The following SLC8A1 variants were observed in gnomAD, a reference collection of about 807,000 sequenced individuals.
SLC8A1 encodes the protein solute carrier family 8 member A1.
In SLC8A1, 18 loss-of-function variants were observed where a neutral mutation model predicts 68.3. That is an observed-to-expected ratio of 0.26 (90% confidence interval 0.18 to 0.39). SLC8A1 has a LOEUF of 0.39. Among genes scored for constraint, SLC8A1 ranks in the 10% least tolerant of loss-of-function variants. The probability of loss-of-function intolerance (pLI) is 1.00; values close to 1 mark genes in which losing one functional copy is unlikely to be tolerated. For synonymous variants in SLC8A1, 475 were observed against 415.5 expected, an observed-to-expected ratio of 1.14 and a Z score of -1.74; for missense variants, 985 against 1,156.7, an observed-to-expected ratio of 0.85 and a Z score of 2.15.
chr2:40,172,808 G>A (rs1013968210), intron 4 of SLC8A1, among the ~76,000 whole-genome samples: 7 of 152,088 alleles, frequency 4.6e-5, no homozygotes, highest in African/African-American at 1.4e-4. Flanking sequence ...TAGGCGTGGT[G>A]GCACGTGCCT....
chr2:40,401,772 T>C (rs971141649), intron 2 of SLC8A1, among the ~76,000 whole-genome samples: 1 of 152,122 alleles, frequency 6.6e-6, no homozygotes, highest in Non-Finnish European at 1.5e-5. Flanking sequence ...TACTTTTATA[T>C]ATTGATCTTA....
intron 7 of SLC8A1, among the ~76,000 whole-genome samples, chr2:40,127,431 C>G (rs2160365): frequency 0.65 from 98,735 of 151,964 alleles, 33,254 homozygotes; most frequent in East Asian, 0.81. Flanking sequence ...AATGTGATAA[C>G]TGGGTTAGTT....
At chr2:40,287,715 T>A (rs908496538) in intron 2 of SLC8A1, among the ~76,000 whole-genome samples, 4 of 150,774 alleles carry the variant, frequency 2.7e-5, no homozygotes, top group African/African-American at 7.3e-5. Context: ...GGATGAGGGA[T>A]AGGGACTCAG....
At chr2:40,360,156 T>C (rs1212920571) in intron 2 of SLC8A1, among the ~76,000 whole-genome samples, 1 of 152,110 alleles carries the variant, frequency 6.6e-6, no homozygotes, top group African/African-American at 2.4e-5. Context: ...TTGATTGAAG[T>C]TCCACGAAGA....
chr2:40,279,987 A>T (rs1314060798), intron 2 of SLC8A1, among the ~76,000 whole-genome samples: 2 of 152,176 alleles, frequency 1.3e-5, no homozygotes, highest in African/African-American at 4.8e-5. Flanking sequence ...ATACAATTGC[A>T]TCTGTATTGG....
chr2:40,304,671 C>T (rs140991404), intron 2 of SLC8A1, among the ~76,000 whole-genome samples: 1 of 152,224 alleles, frequency 6.6e-6, no homozygotes, highest in Non-Finnish European at 1.5e-5. Context: ...TTTTCTTGAC[C>T]CAGCCACTGC....
intron 2 of SLC8A1, among the ~76,000 whole-genome samples, chr2:40,270,173 A>G (rs2065855213): frequency 6.6e-6 from 1 of 152,202 alleles, no homozygotes; most frequent in South Asian, 2.1e-4. Flanking sequence ...TCAAAAGTCC[A>G]GTTTTTTATG....
At chr2:40,216,241 T>C (rs1028390983) in intron 2 of SLC8A1, among the ~76,000 whole-genome samples, 4 of 152,024 alleles carry the variant, frequency 2.6e-5, no homozygotes, top group African/African-American at 9.7e-5. Flanking sequence ...CCCTTATGAG[T>C]GAGAACATGT....
chr2:40,195,640 G>A (rs1394235086), intron 2 of SLC8A1: 1 of 152,006 alleles, frequency 6.6e-6, no homozygotes, highest in African/African-American at 2.4e-5. Flanking sequence ...ATAATAATAT[G>A]GGAGGTTAAG....
At chr2:40,497,282 A>G (rs529149672) in intron 1 of SLC8A1, among the ~76,000 whole-genome samples, 2 of 152,162 alleles carry the variant, frequency 1.3e-5, no homozygotes, top group Non-Finnish European at 2.9e-5. Context: ...ATTTTGACTT[A>G]TTAGCTTTGG....
At chr2:40,314,638 G>A (rs924692738) in intron 2 of SLC8A1, among the ~76,000 whole-genome samples, 6 of 151,602 alleles carry the variant, frequency 4.0e-5, no homozygotes, top group African/African-American at 1.5e-4. Flanking sequence ...CCTGTGAAAG[G>A]CATATCTGTC....
At chr2:40,254,245 G>C (rs1317368319) in intron 2 of SLC8A1, among the ~76,000 whole-genome samples, 5 of 152,294 alleles carry the variant, frequency 3.3e-5, no homozygotes, top group Admixed American at 6.5e-5. Flanking sequence ...AAATAGAAAT[G>C]AGATTGGGGT....
intron 6 of SLC8A1, among the ~76,000 whole-genome samples, chr2:40,146,900 C>T (rs895607075): frequency 6.6e-6 from 1 of 152,062 alleles, no homozygotes; most frequent in African/African-American, 2.4e-5. Context: ...GGGTTTGGGC[C>T]AGGTGATGTG....
intron 1 of SLC8A1, among the ~76,000 whole-genome samples, chr2:40,481,850 G>C (rs977122253): frequency 3.9e-5 from 6 of 152,108 alleles, no homozygotes; most frequent in Non-Finnish European, 7.4e-5. Flanking sequence ...ATGAAGTTAG[G>C]TTTCCAATTC....
At chr2:40,479,948 C>G (rs1389611365) in intron 1 of SLC8A1, among the ~76,000 whole-genome samples, 1 of 152,114 alleles carries the variant, frequency 6.6e-6, no homozygotes, top group Non-Finnish European at 1.5e-5. Context: ...ACGCCACAGT[C>G]TGTTGATATA....
At chr2:40,319,231 A>C (rs922483837) in intron 2 of SLC8A1, among the ~76,000 whole-genome samples, 2 of 152,066 alleles carry the variant, frequency 1.3e-5, no homozygotes, top group Non-Finnish European at 2.9e-5. Flanking sequence ...TAAATAGAAC[A>C]CTTAACAAGT....
intron 2 of SLC8A1, among the ~76,000 whole-genome samples, chr2:40,215,457 G>A (rs968704310): frequency 6.6e-6 from 1 of 151,832 alleles, no homozygotes; most frequent in African/African-American, 2.4e-5. Flanking sequence ...CTAACAAGGT[G>A]AAACCCCGTC....
intron 7 of SLC8A1, among the ~76,000 whole-genome samples, chr2:40,121,381 G>A (rs1304602907): frequency 3.3e-5 from 5 of 152,286 alleles, no homozygotes; most frequent in East Asian, 1.9e-4. Context: ...GCAGCTAATC[G>A]GAAAGAAGTA....
intron 2 of SLC8A1, among the ~76,000 whole-genome samples, chr2:40,264,106 T>C (rs1489570657): frequency 1.3e-5 from 2 of 152,060 alleles, no homozygotes; most frequent in African/African-American, 4.8e-5. Flanking sequence ...AAAATGCTCA[T>C]CATCACTGGC....
Sources: allele counts gnomAD v4.1 joint callset (sites outside exome capture counted in the v4.1 genomes callset), GRCh38; gene constraint gnomAD v4.1.1; transcripts MANE v1.5; gene names NCBI Gene and HGNC (gene_info 2026-07-23, HGNC 2026-07-21).